The following GPHN variants were observed in gnomAD, a reference collection of about 807,000 sequenced individuals.
GPHN encodes the protein gephyrin.
GPHN carries 17 observed loss-of-function variants against 95.5 expected under a neutral mutation model. The observed-to-expected ratio is 0.18, with a 90% CI of 0.12 to 0.27. GPHN has a LOEUF of 0.27. Ranked by LOEUF, GPHN falls within the 10% of genes least tolerant of loss-of-function variation. The pLI, the probability that GPHN is intolerant of heterozygous loss-of-function variation, is 1.00. For synonymous variants in GPHN, 320 were observed against 322.5 expected, an observed-to-expected ratio of 0.99 and a Z score of 0.08; for missense variants, 660 against 978.1, an observed-to-expected ratio of 0.67 and a Z score of 4.34.
Position 66,614,958 on chromosome 14 carries a change from C to T in GPHN, c.65-66149C>T, listed in dbSNP as rs1202776844. ...TTCAACTCCCACTTATGAGTGAGAA[C>T]GTGCAGTGTTTGGTTTCTGTTCCTG... On this transcript the variant is annotated intron_variant, in intron 1 of 22. Transcript: ENST00000478722. Among the ~76,000 whole-genome samples the T allele has an allele frequency of 2.6e-5, 4 of 152,212 alleles. No homozygotes were observed. In the South Asian group the frequency reaches 6.2e-4, roughly 24 times the overall value.
At chr14:66,971,927 C>T (rs2069813040) in intron 9 of GPHN, among the ~76,000 whole-genome samples, 1 of 152,146 alleles carries the variant, frequency 6.6e-6, no homozygotes, top group Non-Finnish European at 1.5e-5. Context: ...AGCTCTTAAG[C>T]TCATAGTGGC....
At chr14:67,558,235 A>G in the GPHN span, among the ~76,000 whole-genome samples, 1 of 152,162 alleles carries the variant, frequency 6.6e-6, no homozygotes, top group African/African-American at 2.4e-5. Flanking sequence ...CCAGAATGCC[A>G]TCATTTCCAA....
At chr14:67,711,560 A>G in the GPHN span, among the ~76,000 whole-genome samples, 2 of 152,138 alleles carry the variant, frequency 1.3e-5, no homozygotes, top group African/African-American at 4.8e-5. Context: ...TCTTTTATAT[A>G]TTTTCAGTAG....
At chr14:66,972,996 G>C (rs1281270347) in intron 9 of GPHN, among the ~76,000 whole-genome samples, 1 of 152,114 alleles carries the variant, frequency 6.6e-6, no homozygotes, top group Non-Finnish European at 1.5e-5. Flanking sequence ...AAATAATTTT[G>C]ACTTTGTCAA....
intron 2 of GPHN, among the ~76,000 whole-genome samples, chr14:66,745,072 G>C (rs928754286): frequency 6.6e-6 from 1 of 151,960 alleles, no homozygotes; most frequent in African/African-American, 2.4e-5. Flanking sequence ...TCTCAATATA[G>C]GTTATGAATA....
intron 1 of GPHN, among the ~76,000 whole-genome samples, chr14:66,677,316 G>T (rs1440499654): frequency 6.6e-6 from 1 of 151,856 alleles, no homozygotes; most frequent in Middle Eastern, 3.2e-3. Flanking sequence ...GGTTTGGCTT[G>T]TTCTTCCTTT....
chr14:66,790,846 TC>T (rs1434225851), intron 3 of GPHN, among the ~76,000 whole-genome samples: 1 of 152,156 alleles, frequency 6.6e-6, no homozygotes, highest in Non-Finnish European at 1.5e-5. Context: ...CTCTGAAGTT[TC>T]CCCCTTTGGG....
chr14:66,844,538 T>C (rs2062236895), intron 4 of GPHN, among the ~76,000 whole-genome samples: 1 of 152,014 alleles, frequency 6.6e-6, no homozygotes, highest in African/African-American at 2.4e-5. Flanking sequence ...GTGTGGAAAA[T>C]GCTGAGTATC....
chr14:66,888,429 T>A (rs2064310440), intron 5 of GPHN, among the ~76,000 whole-genome samples: 1 of 152,202 alleles, frequency 6.6e-6, no homozygotes, highest in African/African-American at 2.4e-5. Context: ...TGTAAAGATG[T>A]AATTTAAGAC....
At chr14:67,475,913 GA>G in the GPHN span, among the ~76,000 whole-genome samples, 2 of 152,226 alleles carry the variant, frequency 1.3e-5, no homozygotes, top group Non-Finnish European at 1.5e-5. Flanking sequence ...TGAACTCCTT[GA>G]GGATAGTGAC....
the GPHN span, among the ~76,000 whole-genome samples, chr14:67,324,897 ATTTTTTTTT>A: frequency 3.9e-5 from 3 of 76,328 alleles, no homozygotes; most frequent in South Asian, 4.4e-4. Context: ...CCTTCCTTTC[ATTTTTTTTT>A]TTTTTTTTTT....
intron 8 of GPHN, among the ~76,000 whole-genome samples, chr14:66,948,507 A>G (rs1401466275): frequency 6.6e-6 from 1 of 152,096 alleles, no homozygotes; most frequent in Non-Finnish European, 1.5e-5. Context: ...CCATCAGTCT[A>G]CTAAGAGGTC....
chr14:67,170,780 C>A (rs2082554783), intron 21 of GPHN, among the ~76,000 whole-genome samples: 1 of 152,198 alleles, frequency 6.6e-6, no homozygotes, highest in Non-Finnish European at 1.5e-5. Context: ...TGTTTCTTAG[C>A]TTTCCAAATC....
the GPHN span, among the ~76,000 whole-genome samples, chr14:67,373,094 C>T: frequency 6.6e-6 from 1 of 152,160 alleles, no homozygotes; most frequent in Non-Finnish European, 1.5e-5. Flanking sequence ...CATGGGAATG[C>T]AGAGTGCCAC....
At chr14:67,410,391 T>C in the GPHN span, among the ~76,000 whole-genome samples, 2 of 152,080 alleles carry the variant, frequency 1.3e-5, no homozygotes, top group East Asian at 3.9e-4. Context: ...GCTCTCACTC[T>C]CCCTCCCACC....
chr14:66,918,035 G>C (rs547651954), intron 6 of GPHN, among the ~76,000 whole-genome samples: 13 of 152,280 alleles, frequency 8.5e-5, no homozygotes, highest in Middle Eastern at 6.8e-3. Flanking sequence ...TGCAAATTCA[G>C]GAGATCCTAA....
At chr14:66,782,985 A>G (rs1325724704) in intron 3 of GPHN, among the ~76,000 whole-genome samples, 2 of 152,150 alleles carry the variant, frequency 1.3e-5, no homozygotes, top group African/African-American at 2.4e-5. Context: ...TATCTCCTGT[A>G]TATTCTGGAC....
intron 1 of GPHN, among the ~76,000 whole-genome samples, chr14:66,583,800 A>T (rs1394757976): frequency 6.6e-6 from 1 of 152,106 alleles, no homozygotes; most frequent in African/African-American, 2.4e-5. Context: ...CTTGTAGTAT[A>T]GTTTGAAGTC....
At chr14:66,546,063 C>T (rs937631311) in intron 1 of GPHN, among the ~76,000 whole-genome samples, 15 of 149,532 alleles carry the variant, frequency 1.0e-4, no homozygotes, top group South Asian at 2.1e-4. Flanking sequence ...GGGTTGCGGC[C>T]GGGTAGAGGT....
Sources: gnomAD v4.1 joint callset for allele counts (sites outside exome capture counted in the v4.1 genomes callset) on GRCh38, gnomAD v4.1.1 for gene constraint, MANE v1.5 for transcripts, NCBI Gene and HGNC (gene_info 2026-07-23, HGNC 2026-07-21) for gene names.